The following GLIS3 variants were observed in gnomAD, a reference collection of about 807,000 sequenced individuals.
GLIS3 encodes GLIS family zinc finger 3, also known as zinc finger protein GLIS3.
Under a neutral mutation model 78.6 loss-of-function variants are expected in GLIS3, and 53 were observed. The ratio of observed to expected loss-of-function variants is 0.67; its 90% CI spans 0.54 to 0.85. The LOEUF is 0.85. Among genes scored for constraint, GLIS3 ranks in the 40% least tolerant of loss-of-function variants. The pLI is 0.00. For synonymous variants in GLIS3, 684 were observed against 509.9 expected, an observed-to-expected ratio of 1.34 and a Z score of -4.60; for missense variants, 1,703 against 1,231.1, an observed-to-expected ratio of 1.38 and a Z score of -5.74.
chr9:3,861,312 G>A (rs757791034), intron 8 of GLIS3, among the ~76,000 whole-genome samples: 2 of 152,028 alleles, frequency 1.3e-5, no homozygotes, highest in Non-Finnish European at 2.9e-5. Flanking sequence ...ATTATTGGAG[G>A]GAATGTAAAT....
chr9:4,156,337 G>A (rs970914784), intron 2 of GLIS3, among the ~76,000 whole-genome samples: 11 of 152,058 alleles, frequency 7.2e-5, no homozygotes, highest in Admixed American at 2.6e-4. Context: ...TTCCCTTACC[G>A]ATTAGCTGAT....
At chr9:3,862,405 G>C (rs969105379) in intron 8 of GLIS3, among the ~76,000 whole-genome samples, 12 of 152,176 alleles carry the variant, frequency 7.9e-5, no homozygotes, top group Non-Finnish European at 1.8e-4. Context: ...CCCTGAACTG[G>C]AGTTCTTCAT....
chr9:3,950,371 T>A (rs1015637584), intron 4 of GLIS3, among the ~76,000 whole-genome samples: 3 of 152,362 alleles, frequency 2.0e-5, no homozygotes, highest in Non-Finnish European at 4.4e-5. Flanking sequence ...GATTTCCCAC[T>A]GGTTTTCAAA....
intron 2 of GLIS3, among the ~76,000 whole-genome samples, chr9:4,152,622 T>G (rs1564123662): frequency 6.6e-6 from 1 of 152,208 alleles, no homozygotes; most frequent in Non-Finnish European, 1.5e-5. Flanking sequence ...GTTCACTCTC[T>G]CCTTTTCACA....
chr9:3,907,337 C>T (rs920117083), intron 6 of GLIS3, among the ~76,000 whole-genome samples: 8 of 152,094 alleles, frequency 5.3e-5, no homozygotes, highest in African/African-American at 1.4e-4. Context: ...TAAGAAGGAG[C>T]CACAATTCTT....
the GLIS3 span, among the ~76,000 whole-genome samples, chr9:4,383,426 G>T: frequency 6.6e-6 from 1 of 152,148 alleles, no homozygotes; most frequent in African/African-American, 2.4e-5. Context: ...GCAAACTAAT[G>T]TGGGTCTACC....
the GLIS3 span, among the ~76,000 whole-genome samples, chr9:4,488,271 A>G: frequency 6.6e-6 from 1 of 152,084 alleles, no homozygotes; most frequent in East Asian, 1.9e-4. Context: ...TTTATTTTAC[A>G]CACATGTGAT....
Position 3,890,130 on chromosome 9 carries a change from C to T in GLIS3, c.2128+8561G>A, listed in dbSNP as rs151037324. Among the ~76,000 whole-genome samples, 580 of 152,212 alleles carry T rather than the reference C, an allele frequency of 3.8e-3. 3 individuals carry two copies. Among genetic ancestry groups the T allele is most frequent in the Non-Finnish European group, 6.7e-3 (459 of 68,000 alleles). ...AAGGAATATGTAAAATTGCATTGGC[C>T]GAGGCCATCAATCCCATTTCTCCTT... On this transcript the variant is annotated intron_variant, in intron 7 of 10. Coordinates refer to ENST00000381971, the MANE Select transcript of GLIS3 (RefSeq NM_001042413.2).
At chr9:4,459,219 T>C in the GLIS3 span, among the ~76,000 whole-genome samples, 1 of 152,174 alleles carries the variant, frequency 6.6e-6, no homozygotes, top group African/African-American at 2.4e-5. Context: ...GAAGTGGCCA[T>C]ATACTGAATA....
At chr9:3,918,282 AGAACTCCACCTT>A (rs1478669363) in intron 6 of GLIS3, among the ~76,000 whole-genome samples, 1 of 152,232 alleles carries the variant, frequency 6.6e-6, no homozygotes, top group Non-Finnish European at 1.5e-5. Flanking sequence ...AGGACCAACA[AGAACTCCACCTT>A]GAGAGGCAAT....
chr9:4,244,930 T>C (rs1369237047), intron 2 of GLIS3, among the ~76,000 whole-genome samples: 2 of 152,180 alleles, frequency 1.3e-5, no homozygotes, highest in Non-Finnish European at 2.9e-5. Context: ...TTTACAAATA[T>C]TTTTAAGTTC....
At chr9:4,225,678 G>A (rs1239047973) in intron 2 of GLIS3, among the ~76,000 whole-genome samples, 2 of 152,122 alleles carry the variant, frequency 1.3e-5, no homozygotes, top group African/African-American at 4.8e-5. Context: ...CCACATCTAA[G>A]GGAAAGAATC....
At chr9:3,931,149 A>C (rs1426331154) in intron 6 of GLIS3, among the ~76,000 whole-genome samples, 1 of 152,170 alleles carries the variant, frequency 6.6e-6, no homozygotes, top group East Asian at 1.9e-4. Context: ...ATTAACTTAC[A>C]AGAGTGGGTT....
chr9:4,249,614 T>C (rs953986630), intron 2 of GLIS3, among the ~76,000 whole-genome samples: 2 of 152,208 alleles, frequency 1.3e-5, no homozygotes, highest in African/African-American at 4.8e-5. Flanking sequence ...CTTTCTTTCT[T>C]TCTCTTGCCT....
At chr9:4,031,380 G>A (rs1239195497) in intron 4 of GLIS3, among the ~76,000 whole-genome samples, 1 of 152,194 alleles carries the variant, frequency 6.6e-6, no homozygotes, top group African/African-American at 2.4e-5. Context: ...GAAGAAGCCA[G>A]ACACAAAAGG....
chr9:4,211,535 G>C (rs1027390898), intron 2 of GLIS3, among the ~76,000 whole-genome samples: 1 of 152,238 alleles, frequency 6.6e-6, no homozygotes, highest in Non-Finnish European at 1.5e-5. Flanking sequence ...CTTGGTTAAA[G>C]TTAGCCCTGA....
intron 9 of GLIS3, among the ~76,000 whole-genome samples, chr9:3,837,848 C>T (rs1288348370): frequency 2.6e-5 from 4 of 152,148 alleles, no homozygotes; most frequent in South Asian, 2.1e-4. Context: ...ATTATACATT[C>T]GTTAAAACTC....
At chr9:4,158,896 C>T (rs759739940) in intron 2 of GLIS3, among the ~76,000 whole-genome samples, 1 of 152,042 alleles carries the variant, frequency 6.6e-6, no homozygotes, top group Non-Finnish European at 1.5e-5. Flanking sequence ...GAAGAGGTAG[C>T]TCATAAGCTG....
chr9:4,294,834 C>T (rs918852917), intron 1 of GLIS3, among the ~76,000 whole-genome samples: 5 of 152,140 alleles, frequency 3.3e-5, no homozygotes, highest in African/African-American at 9.7e-5. Flanking sequence ...TATTCACATA[C>T]ATTTATTCTA....
Sources: gnomAD v4.1 joint callset for allele counts (sites outside exome capture counted in the v4.1 genomes callset) on GRCh38, gnomAD v4.1.1 for gene constraint, MANE v1.5 for transcripts, NCBI Gene and HGNC (gene_info 2026-07-23, HGNC 2026-07-21) for gene names.